Variants in UST observed in about 807,000 individuals in gnomAD.
UST encodes the protein uronyl 2-sulfotransferase.
In UST, 21 loss-of-function variants were observed where a neutral mutation model predicts 45.6. The ratio of observed to expected loss-of-function variants is 0.46; its 90% CI spans 0.33 to 0.66. The LOEUF (loss-of-function observed/expected upper bound fraction) is 0.66, where lower values mean the gene tolerates loss of function less well. Among genes scored for constraint, UST ranks in the 30% least tolerant of loss-of-function variants. The probability of loss-of-function intolerance (pLI) is 0.02; values close to 1 mark genes in which losing one functional copy is unlikely to be tolerated. For missense variants in UST, 463 were observed against 512.4 expected, an observed-to-expected ratio of 0.90 and a Z score of 0.93; for synonymous variants, 215 against 200.6, an observed-to-expected ratio of 1.07 and a Z score of -0.61.
intron 2 of UST, among the ~76,000 whole-genome samples, chr6:148,911,324 C>A (rs1374730059): frequency 1.3e-5 from 2 of 152,124 alleles, no homozygotes; most frequent in Non-Finnish European, 2.9e-5. Context: ...CTGTAGGACT[C>A]CCAGAACATT....
intron 2 of UST, among the ~76,000 whole-genome samples, chr6:148,918,821 A>G (rs1391134551): frequency 1.3e-5 from 2 of 152,014 alleles, no homozygotes; most frequent in East Asian, 1.9e-4. Flanking sequence ...TTTTATTGTT[A>G]AACTTTTTTT....
At chr6:148,990,278 A>T (rs1224511910) in intron 5 of UST, 2 of 491,512 alleles carry the variant, frequency 4.1e-6, no homozygotes, top group Non-Finnish European at 5.3e-6. Flanking sequence ...GCCATATTTT[A>T]TATAATAAAC....
intron 1 of UST, among the ~76,000 whole-genome samples, chr6:148,861,512 A>G (rs991468440): frequency 6.6e-5 from 10 of 151,326 alleles, no homozygotes; most frequent in Non-Finnish European, 1.2e-4. Flanking sequence ...TTCTGTTCTG[A>G]TCTTAGTTAT....
rs775153170 is a variant in UST at position 148,988,759 on chromosome 6, C to T, written c.681+24196C>T. Reference sequence around the variant, plus strand: ...TCCCACCCTCCCCACCTCTTCCCAACCAAATGCCAATCCACTCCGCTTCAT... The same window carrying T: ...TCCCACCCTCCCCACCTCTTCCCAATCAAATGCCAATCCACTCCGCTTCAT... On this transcript the variant is annotated intron_variant, in intron 5 of 7. Coordinates refer to ENST00000367463, the MANE Select transcript of UST (RefSeq NM_005715.3). Among the ~76,000 whole-genome samples, 28 of 151,936 alleles carry T rather than the reference C, an allele frequency of 1.8e-4. 1 individual carries two copies. The highest frequency in any genetic ancestry group is 3.7e-4 in the Non-Finnish European group (25 of 67,964).
At chr6:148,996,464 C>G (rs1356742186) in intron 5 of UST, among the ~76,000 whole-genome samples, 1 of 152,196 alleles carries the variant, frequency 6.6e-6, no homozygotes, top group Admixed American at 6.5e-5. Context: ...GGTGATCTGC[C>G]TGCCCCGGCT....
chr6:148,967,436 G>A (rs1417519574), intron 5 of UST, among the ~76,000 whole-genome samples: 1 of 152,196 alleles, frequency 6.6e-6, no homozygotes, highest in Non-Finnish European at 1.5e-5. Context: ...TCAAAGGATA[G>A]TTTGTTTATT....
intron 2 of UST, among the ~76,000 whole-genome samples, chr6:148,926,003 T>C (rs1779807587): frequency 6.6e-6 from 1 of 152,208 alleles, no homozygotes; most frequent in Non-Finnish European, 1.5e-5. Flanking sequence ...GAAATATATT[T>C]ATAACAAACA....
At chr6:148,976,366 T>C (rs1781017291) in intron 5 of UST, among the ~76,000 whole-genome samples, 1 of 152,220 alleles carries the variant, frequency 6.6e-6, no homozygotes, top group South Asian at 2.1e-4. Context: ...CATCACTGAA[T>C]ACAGCAGAGT....
intron 5 of UST, among the ~76,000 whole-genome samples, chr6:149,008,117 G>A (rs757737868): frequency 3.3e-5 from 5 of 152,116 alleles, no homozygotes; most frequent in African/African-American, 1.2e-4. Flanking sequence ...AGATTTTCCT[G>A]CCAATTTGCT....
chr6:149,073,614 T>C (rs1001720114), intron 7 of UST, among the ~76,000 whole-genome samples: 6 of 152,236 alleles, frequency 3.9e-5, no homozygotes, highest in Non-Finnish European at 8.8e-5. Context: ...TGAAAGGAAA[T>C]TTGATAGCTT....
chr6:148,962,384 T>C (rs1780678532), intron 4 of UST, among the ~76,000 whole-genome samples: 1 of 152,248 alleles, frequency 6.6e-6, no homozygotes, highest in Admixed American at 6.5e-5. Flanking sequence ...GCACTAGCAG[T>C]CATTCTTCAC....
At chr6:148,818,524 A>G (rs1466675921) in intron 1 of UST, among the ~76,000 whole-genome samples, 1 of 152,236 alleles carries the variant, frequency 6.6e-6, no homozygotes, top group Non-Finnish European at 1.5e-5. Flanking sequence ...ATTTGGTTCC[A>G]ACATTTTAAT....
chr6:148,946,089 G>A (rs756529267), intron 3 of UST, among the ~76,000 whole-genome samples: 8 of 152,134 alleles, frequency 5.3e-5, no homozygotes, highest in Non-Finnish European at 1.2e-4. Context: ...TTTCAAGTCT[G>A]AATGGTGGCT....
chr6:148,853,255 T>C (rs780504513), intron 1 of UST, among the ~76,000 whole-genome samples: 1 of 152,230 alleles, frequency 6.6e-6, no homozygotes, highest in Non-Finnish European at 1.5e-5. Context: ...GCTTCCAGCT[T>C]CATCCATGTC....
At chr6:148,970,913 G>A (rs2114967745) in intron 5 of UST, among the ~76,000 whole-genome samples, 1 of 152,322 alleles carries the variant, frequency 6.6e-6, no homozygotes, top group Admixed American at 6.5e-5. Flanking sequence ...ATCCGGCATA[G>A]TGTCCCCTCT....
chr6:148,993,904 G>A (rs964043844), intron 5 of UST, among the ~76,000 whole-genome samples: 3 of 150,006 alleles, frequency 2.0e-5, no homozygotes, highest in African/African-American at 7.4e-5. Flanking sequence ...AGATCACTGG[G>A]TCAGTTAAAC....
intron 7 of UST, among the ~76,000 whole-genome samples, chr6:149,041,629 C>T (rs943859399): frequency 1.3e-5 from 2 of 152,184 alleles, no homozygotes; most frequent in Non-Finnish European, 2.9e-5. Context: ...TGGTGAAATG[C>T]GCCGCTGTTC....
chr6:148,778,330 G>C (rs1776573911), intron 1 of UST, among the ~76,000 whole-genome samples: 1 of 152,046 alleles, frequency 6.6e-6, no homozygotes, highest in African/African-American at 2.4e-5. Flanking sequence ...TCAGAAGCAA[G>C]ATGTGGAGAT....
intron 1 of UST, among the ~76,000 whole-genome samples, chr6:148,772,290 C>A (rs1489844906): frequency 1.3e-5 from 2 of 152,174 alleles, no homozygotes; most frequent in Non-Finnish European, 2.9e-5. Context: ...CAAGGTATAA[C>A]AAATCAGTGT....
Sources: gnomAD v4.1 joint callset for allele counts (sites outside exome capture counted in the v4.1 genomes callset) on GRCh38, gnomAD v4.1.1 for gene constraint, MANE v1.5 for transcripts, NCBI Gene and HGNC (gene_info 2026-07-23, HGNC 2026-07-21) for gene names.